ABCA1: variants seen among roughly 807,000 people sequenced by gnomAD.
ABCA1 encodes the protein phospholipid-transporting ATPase ABCA1.
A neutral mutation model predicts 262.5 loss-of-function variants in ABCA1; 133 were observed. The ratio of observed to expected loss-of-function variants is 0.51; its 90% CI spans 0.44 to 0.59. The LOEUF is 0.59. ABCA1 is among the 20% of genes least tolerant of loss of function. The pLI is 0.00. For missense variants in ABCA1, 2,452 were observed against 2,777.5 expected, an observed-to-expected ratio of 0.88 and a Z score of 2.63; for synonymous variants, 1,022 against 1,043.5, an observed-to-expected ratio of 0.98 and a Z score of 0.40.
At chr9:104,860,416 G>A (rs748009516) in intron 6 of ABCA1, among the ~76,000 whole-genome samples, 1 of 152,174 alleles carries the variant, frequency 6.6e-6, no homozygotes, top group Non-Finnish European at 1.5e-5. Context: ...TATTTTCCTA[G>A]TTTCAGAAGG....
chr9:104,809,231 A>G (rs947329326), intron 30 of ABCA1, among the ~76,000 whole-genome samples: 17 of 152,396 alleles, frequency 1.1e-4, no homozygotes, highest in Middle Eastern at 3.4e-3. Flanking sequence ...CTAAATCAGT[A>G]AACAAATGTC....
At chr9:104,918,939 A>C (rs1360241433) in intron 1 of ABCA1, among the ~76,000 whole-genome samples, 2 of 152,218 alleles carry the variant, frequency 1.3e-5, no homozygotes, top group Non-Finnish European at 2.9e-5. Flanking sequence ...AATTACTCCC[A>C]ACCTGGCATC....
At chr9:104,825,911 C>T (rs1481021079) in intron 16 of ABCA1, 24 bp from the exon 17 acceptor site, 4 of 1,611,646 alleles carry the variant, frequency 2.5e-6, no homozygotes, top group African/African-American at 1.3e-5. Context: ...GCAAAGTCAC[C>T]TATCCATTTC....
chr9:104,784,772 T>C (rs1217566153), intron 49 of ABCA1, among the ~76,000 whole-genome samples: 1 of 152,158 alleles, frequency 6.6e-6, no homozygotes, highest in African/African-American at 2.4e-5. Context: ...GCCTCGCAAG[T>C]AGCTGGGACT....
intron 5 of ABCA1, among the ~76,000 whole-genome samples, chr9:104,867,780 G>A (rs888842741): frequency 3.3e-5 from 5 of 152,164 alleles, no homozygotes; most frequent in African/African-American, 7.2e-5. Context: ...TGACCTGGAC[G>A]AAAGACCAAT....
At chr9:104,821,758 A>G (rs1442892306) in intron 19 of ABCA1, among the ~76,000 whole-genome samples, 4 of 152,254 alleles carry the variant, frequency 2.6e-5, no homozygotes, top group African/African-American at 7.2e-5. Context: ...ATCTGCAATG[A>G]AAGTATTCTT....
At chr9:104,809,141 G>A (rs952288652) in intron 30 of ABCA1, among the ~76,000 whole-genome samples, 8 of 152,194 alleles carry the variant, frequency 5.3e-5, no homozygotes, top group African/African-American at 1.9e-4. Context: ...AAGCACTTAA[G>A]TACAGGGGCT....
At chr9:104,893,330 G>A (rs2118359912) in intron 2 of ABCA1, among the ~76,000 whole-genome samples, 1 of 142,774 alleles carries the variant, frequency 7.0e-6, no homozygotes, top group Admixed American at 7.4e-5. Context: ...GCTGAGGCAG[G>A]AGAACTGTTT....
intron 15 of ABCA1, 112 bp downstream of exon 15, chr9:104,828,804 A>G: frequency 2.8e-6 from 3 of 1,088,104 alleles, no homozygotes; most frequent in Non-Finnish European, 4.1e-6. Context: ...AATGACAGGT[A>G]TGACCCCTTC....
chr9:104,841,375 G>A (rs1415733624), intron 8 of ABCA1, among the ~76,000 whole-genome samples: 1 of 152,004 alleles, frequency 6.6e-6, no homozygotes. Flanking sequence ...GGGAGGCAGA[G>A]GTTGCAGTGA....
At chr9:104,784,819 T>C (rs1828777183) in intron 49 of ABCA1, among the ~76,000 whole-genome samples, 1 of 152,154 alleles carries the variant, frequency 6.6e-6, no homozygotes, top group Non-Finnish European at 1.5e-5. Flanking sequence ...AATTTTTGTA[T>C]TTTTAGTAGA....
intron 45 of ABCA1, 124 bp from the exon 46 acceptor site, chr9:104,788,178 A>G (rs1829091926): frequency 8.1e-7 from 1 of 1,241,388 alleles, no homozygotes; most frequent in African/African-American, 1.5e-5. Context: ...TAACCTGACA[A>G]CTGGTGAGGA....
chr9:104,906,357 G>A (rs574597142), intron 1 of ABCA1, among the ~76,000 whole-genome samples: 16 of 152,304 alleles, frequency 1.1e-4, no homozygotes, highest in Non-Finnish European at 2.1e-4. Context: ...ACGTTCATGA[G>A]AAGAAGGGAA....
chr9:104,905,138 C>T (rs540573939), intron 1 of ABCA1, among the ~76,000 whole-genome samples: 38 of 152,278 alleles, frequency 2.5e-4, no homozygotes, highest in African/African-American at 8.7e-4. Context: ...TATGAAATGG[C>T]TCAGTGAATC....
chr9:104,831,464 G>C (rs780463687), intron 13 of ABCA1, among the ~76,000 whole-genome samples, 158 bp downstream of exon 13: 3 of 152,152 alleles, frequency 2.0e-5, no homozygotes, highest in Non-Finnish European at 4.4e-5. Flanking sequence ...AGCAAGTCAT[G>C]TACCAATTTC....
At chr9:104,845,101 G>A (rs1254754153) in intron 8 of ABCA1, among the ~76,000 whole-genome samples, 2 of 152,214 alleles carry the variant, frequency 1.3e-5, no homozygotes, top group Non-Finnish European at 2.9e-5. Context: ...TAAAATGATT[G>A]GCCTTGCTAC....
At chr9:104,859,981 G>C (rs182665769) in intron 6 of ABCA1, among the ~76,000 whole-genome samples, 3 of 150,742 alleles carry the variant, frequency 2.0e-5, no homozygotes, top group Non-Finnish European at 2.9e-5. Flanking sequence ...TTGAACCTGG[G>C]AGGCAGAGGT....
chr9:104,840,653 G>T, intron 8 of ABCA1, 134 bp from the exon 9 acceptor site: 1 of 966,154 alleles, frequency 1.0e-6, no homozygotes, highest in Non-Finnish European at 1.5e-6. Context: ...AACATATTTT[G>T]TCTGATGTCA....
chr9:104,926,699 G>T (rs1172682111), intron 1 of ABCA1, among the ~76,000 whole-genome samples: 2 of 152,268 alleles, frequency 1.3e-5, no homozygotes, highest in South Asian at 4.1e-4. Context: ...GCCCAGCCCC[G>T]CGGCGGAGCT....
Sources: allele counts gnomAD v4.1 joint callset (sites outside exome capture counted in the v4.1 genomes callset), GRCh38; gene constraint gnomAD v4.1.1; transcripts MANE v1.5; gene names NCBI Gene and HGNC (gene_info 2026-07-23, HGNC 2026-07-21).